Variants in SLC22A3 observed in about 807,000 individuals in gnomAD.
SLC22A3 encodes solute carrier family 22 member 3.
Under a neutral mutation model 59.1 loss-of-function variants are expected in SLC22A3, and 51 were observed. The ratio of observed to expected loss-of-function variants is 0.86; its 90% CI spans 0.69 to 1.09. The LOEUF is 1.09. Among genes scored for constraint, SLC22A3 ranks in the 50% least tolerant of loss-of-function variants. The probability of loss-of-function intolerance (pLI) is 0.00; values close to 1 mark genes in which losing one functional copy is unlikely to be tolerated. For missense variants in SLC22A3, 711 were observed against 726.3 expected (o/e 0.98, Z 0.24); for synonymous variants, 325 against 292.0 (o/e 1.11, Z -1.15).
intron 1 of SLC22A3, among the ~76,000 whole-genome samples, chr6:160,373,245 C>T (rs571989260): frequency 4.6e-5 from 7 of 152,196 alleles, no homozygotes; most frequent in African/African-American, 1.7e-4. Flanking sequence ...GTTAGTTTTC[C>T]TTCTAACAGT....
At chr6:160,416,678 T>A (rs1420379221) in intron 5 of SLC22A3, among the ~76,000 whole-genome samples, 1 of 152,176 alleles carries the variant, frequency 6.6e-6, no homozygotes, top group African/African-American at 2.4e-5. Context: ...AATGTGAAAT[T>A]TTTCTTTGGT....
chr6:160,390,559 C>T (rs1345522463), intron 1 of SLC22A3, among the ~76,000 whole-genome samples: 5 of 152,052 alleles, frequency 3.3e-5, no homozygotes, highest in African/African-American at 9.6e-5. Context: ...CAGGCTGACA[C>T]CTGAGAGGTG....
intron 5 of SLC22A3, among the ~76,000 whole-genome samples, chr6:160,431,801 G>C (rs1351224460): frequency 6.6e-6 from 1 of 152,138 alleles, no homozygotes; most frequent in Non-Finnish European, 1.5e-5. Flanking sequence ...GGATTCTTCA[G>C]ATAATTCTGC....
In SLC22A3 at chr6:160,442,403, G is replaced by A. The variant is rs1482658310; in HGVS notation, c.1289-358G>A. On this transcript the variant is annotated intron_variant, in intron 7 of 10. Transcript: ENST00000275300. Reference sequence around the variant, plus strand: ...GCTGTGGGAACGTGGTGGCTCAAAGGCATGACTGGAAACTACCACCTGGAC... The same window carrying A: ...GCTGTGGGAACGTGGTGGCTCAAAGACATGACTGGAAACTACCACCTGGAC... Among the ~76,000 whole-genome samples, 3 of 152,304 alleles carry A rather than the reference G, an allele frequency of 2.0e-5. No individual in the cohort carries two copies. The South Asian group carries it at 6.2e-4, about 32-fold the overall frequency.
At chr6:160,350,588 A>T (rs1304624974) in intron 1 of SLC22A3, among the ~76,000 whole-genome samples, 1 of 152,200 alleles carries the variant, frequency 6.6e-6, no homozygotes, top group Non-Finnish European at 1.5e-5. Flanking sequence ...ACCCACATGG[A>T]GGGCAGACAG....
chr6:160,418,005 T>C (rs1375379504), intron 5 of SLC22A3, among the ~76,000 whole-genome samples: 1 of 152,246 alleles, frequency 6.6e-6, no homozygotes, highest in Non-Finnish European at 1.5e-5. Flanking sequence ...TTATGCAGCA[T>C]TATTTATCAA....
At chr6:160,447,655 GC>G (rs3918287) in intron 9 of SLC22A3, 63 bp from the exon 10 acceptor site, 487,750 of 1,365,470 alleles carry the variant, frequency 0.36, 93,383 homozygotes, top group Admixed American at 0.49. Context: ...GAGTGAGCAG[GC>G]CCCATGGGAG....
intron 10 of SLC22A3, among the ~76,000 whole-genome samples, chr6:160,448,528 G>A (rs1788833802): frequency 6.6e-6 from 1 of 152,236 alleles, no homozygotes; most frequent in African/African-American, 2.4e-5. Flanking sequence ...TAGATAAATA[G>A]ATAATAGATG....
At chr6:160,393,834 A>G (rs747894287) in intron 1 of SLC22A3, among the ~76,000 whole-genome samples, 26 of 152,394 alleles carry the variant, frequency 1.7e-4, no homozygotes, top group South Asian at 4.1e-4. Flanking sequence ...ATTACAACTC[A>G]AATTAACATA....
At chr6:160,397,362 T>C (rs542278709) in intron 1 of SLC22A3, among the ~76,000 whole-genome samples, 2 of 151,894 alleles carry the variant, frequency 1.3e-5, no homozygotes, top group Non-Finnish European at 2.9e-5. Context: ...TTCTGTGCGG[T>C]CTGGTTCCTA....
intron 4 of SLC22A3, among the ~76,000 whole-genome samples, chr6:160,410,456 G>C (rs561191053): frequency 1.3e-5 from 2 of 152,220 alleles, no homozygotes; most frequent in South Asian, 4.1e-4. Flanking sequence ...TTCATATATG[G>C]AATCAATATA....
At chr6:160,428,710 T>C (rs898350063) in intron 5 of SLC22A3, among the ~76,000 whole-genome samples, 6 of 152,240 alleles carry the variant, frequency 3.9e-5, no homozygotes, top group African/African-American at 1.4e-4. Context: ...CTGGACAGCA[T>C]TGGTCCAGAG....
At chr6:160,438,334 T>C (rs1788424624) in intron 7 of SLC22A3, among the ~76,000 whole-genome samples, 1 of 152,028 alleles carries the variant, frequency 6.6e-6, no homozygotes, top group Non-Finnish European at 1.5e-5. Context: ...ATTCCCCTCT[T>C]CCAGGAAAGG....
At chr6:160,402,196 C>T (rs1786811513) in intron 2 of SLC22A3, among the ~76,000 whole-genome samples, 1 of 151,992 alleles carries the variant, frequency 6.6e-6, no homozygotes, top group South Asian at 2.1e-4. Flanking sequence ...ATGGAGAAAA[C>T]TATACCATGA....
At chr6:160,397,732 CA>C (rs201152865) in intron 1 of SLC22A3, among the ~76,000 whole-genome samples, 16,694 of 88,006 alleles carry the variant, frequency 0.19, 912 homozygotes, top group Admixed American at 0.34. Context: ...GACTCCATCT[CA>C]AAAAAAAAAA....
rs546296531 is a variant in SLC22A3 at position 160,360,764 on chromosome 6, C to G, written c.429+11916C>G. On this transcript the variant is annotated intron_variant, in intron 1 of 10. Coordinates refer to ENST00000275300, the MANE Select transcript of SLC22A3 (RefSeq NM_021977.4). Reference sequence around the variant, plus strand: ...GATATATGATTTGTATTTATTAACTCCCCCCCGCCCCAACCAATGTAGTCT... The same window carrying G: ...GATATATGATTTGTATTTATTAACTGCCCCCCGCCCCAACCAATGTAGTCT... Among the ~76,000 whole-genome samples, 203 of 151,972 alleles carry G rather than the reference C, an allele frequency of 1.3e-3. 1 individual carries two copies. The highest frequency in any genetic ancestry group is 0.011 in the South Asian group (53 of 4,812).
chr6:160,440,296 C>T (rs1233640238), intron 7 of SLC22A3, among the ~76,000 whole-genome samples: 1 of 152,146 alleles, frequency 6.6e-6, no homozygotes, highest in Non-Finnish European at 1.5e-5. Context: ...TTGTCTTCCA[C>T]TTTTATTTTT....
intron 5 of SLC22A3, among the ~76,000 whole-genome samples, chr6:160,428,907 T>C (rs1165661412): frequency 6.6e-6 from 1 of 152,208 alleles, no homozygotes; most frequent in East Asian, 1.9e-4. Context: ...CTTTTATGGG[T>C]ACCAGATAGT....
At chr6:160,421,240 T>C (rs1388127166) in intron 5 of SLC22A3, among the ~76,000 whole-genome samples, 1 of 152,166 alleles carries the variant, frequency 6.6e-6, no homozygotes, top group Non-Finnish European at 1.5e-5. Context: ...AAGCCCTTTT[T>C]TCCCTAGCTA....
Sources: gnomAD v4.1 joint callset for allele counts (sites outside exome capture counted in the v4.1 genomes callset) on GRCh38, gnomAD v4.1.1 for gene constraint, MANE v1.5 for transcripts, NCBI Gene and HGNC (gene_info 2026-07-23, HGNC 2026-07-21) for gene names.